RAP1GDS1: variants seen among roughly 807,000 people sequenced by gnomAD.
The protein encoded by RAP1GDS1 is Rap1 GTPase-GDP dissociation stimulator 1, also known as RAP1, GTP-GDP dissociation stimulator 1.
Under a neutral mutation model 71.1 loss-of-function variants are expected in RAP1GDS1, and 35 were observed. The ratio of observed to expected loss-of-function variants is 0.49; its 90% confidence interval spans 0.38 to 0.65. The LOEUF is 0.65. Among genes scored for constraint, RAP1GDS1 ranks in the 30% least tolerant of loss-of-function variants. The pLI, the probability that RAP1GDS1 is intolerant of heterozygous loss-of-function variation, is 0.00. For missense variants in RAP1GDS1, 663 were observed against 706.1 expected (o/e 0.94, Z 0.69); for synonymous variants, 229 against 243.1 (o/e 0.94, Z 0.54).
intron 11 of RAP1GDS1, among the ~76,000 whole-genome samples, chr4:98,420,521 A>G (rs573572099): frequency 6.6e-6 from 1 of 151,618 alleles, no homozygotes; most frequent in African/African-American, 2.4e-5. Context: ...ATGCTCCACA[A>G]CTCCTGGCTA....
intron 14 of RAP1GDS1, among the ~76,000 whole-genome samples, chr4:98,438,588 A>C (rs201453152): frequency 0.05 from 4,368 of 86,896 alleles, 142 homozygotes; most frequent in South Asian, 0.1. Context: ...ATATATATAT[A>C]TCTTTTTTTT....
Position 98,404,590 on chromosome 4 carries a change from T to C in RAP1GDS1, c.751T>C (p.Leu251=), listed in dbSNP as rs1226864747. The C allele has an allele frequency of 2.5e-6, 4 of 1,599,792 alleles. No homozygotes were observed. Among genetic ancestry groups the C allele is most frequent in the East Asian group, 2.3e-5 (1 of 44,278 alleles). The change falls in exon 7 of 15, where the codon TTG becomes CTG. Residue 251 remains leucine, a synonymous_variant. Coordinates refer to ENST00000408927, the MANE Select transcript of RAP1GDS1 (RefSeq NM_001100427.2). ...AATGATTTTTGAAGTTCTTGCTCCA[T>C]TGGCAGAAAATGGTGAGAAACTTAA... ...REMIFEVLAP[L]AENDAIKLQL...
At chr4:98,278,239 A>G (rs1046551980) in intron 1 of RAP1GDS1, among the ~76,000 whole-genome samples, 4 of 152,210 alleles carry the variant, frequency 2.6e-5, no homozygotes, top group Non-Finnish European at 5.9e-5. Context: ...CTGCATTCCC[A>G]TTAAACAGTC....
intron 12 of RAP1GDS1, among the ~76,000 whole-genome samples, chr4:98,431,028 A>G (rs1320886636): frequency 1.3e-5 from 2 of 152,220 alleles, no homozygotes; most frequent in East Asian, 3.8e-4. Flanking sequence ...TCTTCCAATT[A>G]TAGACATCAA....
intron 7 of RAP1GDS1, among the ~76,000 whole-genome samples, chr4:98,413,377 C>A (rs1320397354): frequency 1.3e-4 from 19 of 151,932 alleles, no homozygotes; most frequent in African/African-American, 3.6e-4. Context: ...CCGCTCCCCC[C>A]ACCCCACCAC....
intron 5 of RAP1GDS1, 83 bp from the exon 6 acceptor site, chr4:98,391,869 A>AT (rs1743731901): frequency 1.6e-6 from 2 of 1,287,642 alleles, no homozygotes; most frequent in Admixed American, 6.0e-5. Context: ...AATAGGGAAA[A>AT]TAAGAGGTGT....
chr4:98,330,487 C>T (rs1405068252), intron 2 of RAP1GDS1, among the ~76,000 whole-genome samples: 24 of 142,986 alleles, frequency 1.7e-4, no homozygotes, highest in Admixed American at 2.8e-4. Flanking sequence ...TGGGCAGAGG[C>T]GCTCCTCACC....
At chr4:98,379,318 C>T (rs1283177825) in intron 5 of RAP1GDS1, 155 bp downstream of exon 5, 5 of 852,804 alleles carry the variant, frequency 5.9e-6, no homozygotes, top group Non-Finnish European at 8.2e-6. Flanking sequence ...TTCAATGTTT[C>T]AAAAATGTAA....
intron 2 of RAP1GDS1, among the ~76,000 whole-genome samples, chr4:98,319,140 A>G (rs1270220658): frequency 6.6e-6 from 1 of 152,180 alleles, no homozygotes; most frequent in Non-Finnish European, 1.5e-5. Flanking sequence ...TGTCTCCTTT[A>G]CTAAACTATA....
chr4:98,343,685 G>C (rs796947520), intron 3 of RAP1GDS1, among the ~76,000 whole-genome samples: 3 of 152,116 alleles, frequency 2.0e-5, no homozygotes, highest in African/African-American at 7.2e-5. Context: ...CACTTCAACA[G>C]TATAGTTGGA....
chr4:98,302,075 GATAC>G (rs1245924597), intron 2 of RAP1GDS1, among the ~76,000 whole-genome samples: 1 of 152,016 alleles, frequency 6.6e-6, no homozygotes, highest in Non-Finnish European at 1.5e-5. Flanking sequence ...TTTCAGATAA[GATAC>G]ATACATAGGT....
At chr4:98,274,127 T>G (rs1006028567) in intron 1 of RAP1GDS1, among the ~76,000 whole-genome samples, 2 of 152,212 alleles carry the variant, frequency 1.3e-5, no homozygotes, top group Non-Finnish European at 2.9e-5. Flanking sequence ...AAGCACTGCT[T>G]TGCCTTGACT....
In RAP1GDS1 at chr4:98,395,986, T is replaced by C. The variant is rs550109872; in HGVS notation, c.637+3906T>C. On this transcript the variant is annotated intron_variant, in intron 6 of 14. Transcript: ENST00000408927. ...CCTGCATCTGCTTCTGGTGAGGGAC[T>C]CAGGAAGCTTACAATCATGGCAGAA... 53 of 157,622 alleles carry C rather than the reference T, an allele frequency of 3.4e-4. No individual in the cohort carries two copies. The South Asian group carries it at 9.9e-3, about 29-fold the overall frequency. 9.8% of individuals were successfully genotyped at this position (157,622 alleles called of 1,614,324 possible). A position where few individuals can be genotyped will look rare whatever the true frequency, so the allele number is the denominator to read the frequency against.
intron 2 of RAP1GDS1, among the ~76,000 whole-genome samples, chr4:98,295,777 T>C (rs1167190328): frequency 6.6e-6 from 1 of 152,094 alleles, no homozygotes; most frequent in Non-Finnish European, 1.5e-5. Context: ...AAAATAGCTC[T>C]AAATTTTTAT....
chr4:98,438,373 G>C (rs764150895), intron 14 of RAP1GDS1, among the ~76,000 whole-genome samples: 1 of 151,302 alleles, frequency 6.6e-6, no homozygotes, highest in Non-Finnish European at 1.5e-5. Flanking sequence ...TGAGTTTCCT[G>C]TATACAGCAC....
At chr4:98,347,970 TTTATTA>T (rs1560879411) in intron 3 of RAP1GDS1, among the ~76,000 whole-genome samples, 1 of 152,136 alleles carries the variant, frequency 6.6e-6, no homozygotes, top group Non-Finnish European at 1.5e-5. Flanking sequence ...CATATTCTTT[TTTATTA>T]TTATTATTCT....
intron 2 of RAP1GDS1, among the ~76,000 whole-genome samples, chr4:98,296,458 A>G (rs1432149919): frequency 1.3e-5 from 2 of 152,134 alleles, no homozygotes; most frequent in Admixed American, 1.3e-4. Flanking sequence ...TTAAGAGACA[A>G]GAAGATTTGA....
intron 2 of RAP1GDS1, among the ~76,000 whole-genome samples, chr4:98,326,703 G>A (rs1009326465): frequency 6.6e-6 from 1 of 152,068 alleles, no homozygotes; most frequent in African/African-American, 2.4e-5. Context: ...TTCTCCTTTG[G>A]GGAAGTTATA....
intron 4 of RAP1GDS1, among the ~76,000 whole-genome samples, chr4:98,360,907 A>G (rs1007369486): frequency 2.6e-5 from 4 of 151,840 alleles, no homozygotes; most frequent in Non-Finnish European, 5.9e-5. Context: ...CCCCATCTCT[A>G]CTTTTTAAAA....
Sources: gnomAD v4.1 joint callset for allele counts (sites outside exome capture counted in the v4.1 genomes callset) on GRCh38, gnomAD v4.1.1 for gene constraint, MANE v1.5 for transcripts, NCBI Gene and HGNC (gene_info 2026-07-23, HGNC 2026-07-21) for gene names.